ROBO2: variants seen among roughly 807,000 people sequenced by gnomAD.
The protein encoded by ROBO2 is roundabout homolog 2.
Under a neutral mutation model 160.8 loss-of-function variants are expected in ROBO2, and 53 were observed. That is an observed-to-expected ratio of 0.33 (90% confidence interval 0.26 to 0.41). ROBO2 has a LOEUF of 0.41. Ranked by LOEUF, ROBO2 falls within the 10% of genes least tolerant of loss-of-function variation. The pLI is 1.00. For missense variants in ROBO2, 1,577 were observed against 1,722.4 expected, an observed-to-expected ratio of 0.92 and a Z score of 1.49; for synonymous variants, 664 against 611.7, an observed-to-expected ratio of 1.09 and a Z score of -1.26.
At chr3:77,343,565 G>T (rs1054990888) in intron 2 of ROBO2, among the ~76,000 whole-genome samples, 14 of 152,064 alleles carry the variant, frequency 9.2e-5, no homozygotes, top group African/African-American at 3.4e-4. Context: ...CAGACTAAGG[G>T]GCTTAGGATC....
At chr3:77,182,726 C>T (rs1193880284) in intron 2 of ROBO2, among the ~76,000 whole-genome samples, 1 of 151,996 alleles carries the variant, frequency 6.6e-6, no homozygotes, top group African/African-American at 2.4e-5. Flanking sequence ...AGTTGGTGCT[C>T]TCAACAATCT....
intron 2 of ROBO2, among the ~76,000 whole-genome samples, chr3:77,190,007 G>T (rs573336869): frequency 3.2e-4 from 49 of 152,028 alleles, no homozygotes; most frequent in African/African-American, 1.1e-3. Flanking sequence ...TAGCACTCTT[G>T]TCCGTGATCT....
chr3:75,925,996 G>C lies in ROBO2; in HGVS notation c.-13-11485G>C, dbSNP rs767540396. On this transcript the variant is annotated intron_variant, in intron 1 of 26. Transcript: ENST00000487694. ...AAAAATGTTCCTTTTGATAAACAAC[G>C]TGTAGTGCACCTTCGGATTTGATTT... Among the ~76,000 whole-genome samples the C allele has an allele frequency of 3.3e-5, 5 of 152,250 alleles. No homozygotes were observed. In the South Asian group the frequency reaches 6.2e-4, roughly 19 times the overall value.
intron 2 of ROBO2, among the ~76,000 whole-genome samples, chr3:76,661,283 C>T (rs2091807814): frequency 6.6e-6 from 1 of 152,068 alleles, no homozygotes; most frequent in Non-Finnish European, 1.5e-5. Context: ...CCTGAACACT[C>T]TAAAGTAGGA....
chr3:77,572,336 C>A (rs181861710), intron 13 of ROBO2, among the ~76,000 whole-genome samples: 8 of 152,044 alleles, frequency 5.3e-5, no homozygotes, highest in African/African-American at 1.2e-4. Context: ...AGTCATCTCT[C>A]TTTGGCTCTC....
intron 2 of ROBO2, among the ~76,000 whole-genome samples, chr3:76,623,929 A>G (rs143829831): frequency 7.2e-5 from 11 of 152,270 alleles, no homozygotes; most frequent in Non-Finnish European, 1.5e-4. Context: ...TTCCTTTCTC[A>G]TAAGACTACA....
intron 2 of ROBO2, among the ~76,000 whole-genome samples, chr3:77,268,445 C>T (rs1366552887): frequency 6.6e-6 from 1 of 152,144 alleles, no homozygotes; most frequent in East Asian, 1.9e-4. Flanking sequence ...TCCACTGAAG[C>T]ACTGGGATTT....
chr3:77,367,176 C>G (rs1232493717), intron 2 of ROBO2, among the ~76,000 whole-genome samples: 1 of 152,082 alleles, frequency 6.6e-6, no homozygotes, highest in Non-Finnish European at 1.5e-5. Flanking sequence ...GCAAGACCAC[C>G]AGGTTACCGT....
At chr3:76,745,204 C>G (rs1014178945) in intron 2 of ROBO2, among the ~76,000 whole-genome samples, 10 of 152,052 alleles carry the variant, frequency 6.6e-5, no homozygotes, top group Non-Finnish European at 1.5e-4. Flanking sequence ...CAATATATCT[C>G]TATATTGGTG....
At chr3:76,782,541 T>A (rs1388661562) in intron 2 of ROBO2, among the ~76,000 whole-genome samples, 1 of 150,872 alleles carries the variant, frequency 6.6e-6, no homozygotes, top group African/African-American at 2.4e-5. Flanking sequence ...ATATTTACTT[T>A]ATATATCATG....
At chr3:77,283,749 T>C (rs1441957) in intron 2 of ROBO2, among the ~76,000 whole-genome samples, 1 of 152,062 alleles carries the variant, frequency 6.6e-6, no homozygotes, top group Non-Finnish European at 1.5e-5. Context: ...ATGAGATTTT[T>C]AAAAAAGTTT....
chr3:76,734,946 TA>T (rs1304079001), intron 2 of ROBO2, among the ~76,000 whole-genome samples: 59 of 152,288 alleles, frequency 3.9e-4, no homozygotes, highest in African/African-American at 1.3e-3. Context: ...GTAATGCAAA[TA>T]AAAATTCCTC....
At chr3:76,981,454 G>A (rs1559795997) in intron 2 of ROBO2, among the ~76,000 whole-genome samples, 1 of 152,052 alleles carries the variant, frequency 6.6e-6, no homozygotes, top group Non-Finnish European at 1.5e-5. Flanking sequence ...AACTTTCTAT[G>A]TGTTTATTGT....
intron 2 of ROBO2, among the ~76,000 whole-genome samples, chr3:76,805,201 T>A (rs1465201955): frequency 3.3e-5 from 5 of 152,090 alleles, no homozygotes; most frequent in Admixed American, 2.6e-4. Context: ...TTTCTTTTCT[T>A]GACTCTGTCA....
At chr3:76,901,895 C>T (rs1559676375) in intron 2 of ROBO2, among the ~76,000 whole-genome samples, 1 of 151,848 alleles carries the variant, frequency 6.6e-6, no homozygotes, top group Admixed American at 6.6e-5. Flanking sequence ...TTTCTTCCTG[C>T]TCCTTCCTAC....
At chr3:77,221,605 A>C (rs1321608474) in intron 2 of ROBO2, among the ~76,000 whole-genome samples, 1 of 151,964 alleles carries the variant, frequency 6.6e-6, no homozygotes, top group African/African-American at 2.4e-5. Flanking sequence ...CTTGTCATGC[A>C]TCTTACCTAG....
intron 5 of ROBO2, 62 bp from the exon 6 acceptor site, chr3:77,522,713 A>G (rs1394677129): frequency 2.6e-6 from 4 of 1,524,504 alleles, no homozygotes; most frequent in Non-Finnish European, 3.6e-6. Flanking sequence ...GAAGATGAAT[A>G]CTTAATGTTA....
At chr3:77,472,261 A>G (rs1025960610) in intron 2 of ROBO2, among the ~76,000 whole-genome samples, 1 of 152,190 alleles carries the variant, frequency 6.6e-6, no homozygotes, top group African/African-American at 2.4e-5. Flanking sequence ...TACAAAGGGA[A>G]TAAATAACAG....
chr3:76,132,585 CTT>C (rs1299329217), intron 2 of ROBO2, among the ~76,000 whole-genome samples: 1 of 152,038 alleles, frequency 6.6e-6, no homozygotes, highest in Admixed American at 6.6e-5. Flanking sequence ...TATGTTAACT[CTT>C]TTCTGAATAC....
Sources: allele counts gnomAD v4.1 joint callset (sites outside exome capture counted in the v4.1 genomes callset), GRCh38; gene constraint gnomAD v4.1.1; transcripts MANE v1.5; gene names NCBI Gene and HGNC (gene_info 2026-07-23, HGNC 2026-07-21).